NRXN1: variants seen among roughly 807,000 people sequenced by gnomAD.
NRXN1 encodes the protein neurexin-1.
In NRXN1, 39 loss-of-function variants were observed where a neutral mutation model predicts 150.9. The ratio of observed to expected loss-of-function variants is 0.26; its 90% CI spans 0.20 to 0.34. NRXN1 has a LOEUF of 0.34. NRXN1 is among the 10% of genes least tolerant of loss of function. The pLI is 1.00. For missense variants in NRXN1, 1,815 were observed against 1,949.9 expected, an observed-to-expected ratio of 0.93 and a Z score of 1.30; for synonymous variants, 924 against 757.0, an observed-to-expected ratio of 1.22 and a Z score of -3.62.
intron 5 of NRXN1, among the ~76,000 whole-genome samples, chr2:50,701,734 T>C (rs771465665): frequency 2.0e-5 from 3 of 152,188 alleles, no homozygotes; most frequent in African/African-American, 7.2e-5. Context: ...CTCCAGTAAG[T>C]TGTAAGCCCT....
At chr2:50,124,614 G>C (rs2152740591) in intron 18 of NRXN1, among the ~76,000 whole-genome samples, 1 of 152,054 alleles carries the variant, frequency 6.6e-6, no homozygotes, top group East Asian at 1.9e-4. Context: ...CTTCCATTGT[G>C]CCCTGCTGTG....
intron 17 of NRXN1, among the ~76,000 whole-genome samples, chr2:50,241,193 G>A (rs1166311545): frequency 6.7e-6 from 1 of 149,656 alleles, no homozygotes; most frequent in African/African-American, 2.5e-5. Context: ...AAAACATCTA[G>A]CATAGTAAGA....
chr2:50,734,777 T>C (rs1574286324), intron 5 of NRXN1, among the ~76,000 whole-genome samples: 1 of 151,838 alleles, frequency 6.6e-6, no homozygotes, highest in South Asian at 2.1e-4. Flanking sequence ...AACTCTGTGT[T>C]GGCTAAAATG....
At chr2:51,014,302 G>C (rs1271963142) in intron 2 of NRXN1, among the ~76,000 whole-genome samples, 1 of 152,044 alleles carries the variant, frequency 6.6e-6, no homozygotes, top group East Asian at 1.9e-4. Flanking sequence ...TGCAAAGAAC[G>C]AGGATTGGAA....
intron 12 of NRXN1, among the ~76,000 whole-genome samples, chr2:50,521,987 C>A (rs1035093429): frequency 6.6e-6 from 1 of 151,506 alleles, no homozygotes; most frequent in Non-Finnish European, 1.5e-5. Context: ...GTCGAATATA[C>A]AACATATAGA....
intron 17 of NRXN1, among the ~76,000 whole-genome samples, chr2:50,452,034 G>A (rs1359175449): frequency 1.3e-5 from 2 of 152,070 alleles, no homozygotes; most frequent in African/African-American, 2.4e-5. Context: ...CTCTGCATTC[G>A]CAAAATATTT....
At chr2:50,288,582 C>T (rs190621598) in intron 17 of NRXN1, among the ~76,000 whole-genome samples, 1 of 152,214 alleles carries the variant, frequency 6.6e-6, no homozygotes, top group East Asian at 1.9e-4. Context: ...GCTGGTGAGG[C>T]CTCACAATCA....
At chr2:50,504,139 C>CCAAAAA (rs2092099812) in intron 13 of NRXN1, among the ~76,000 whole-genome samples, 1 of 30,190 alleles carries the variant, frequency 3.3e-5, no homozygotes, top group African/African-American at 1.5e-4. Flanking sequence ...AACATGACAA[C>CCAAAAA]TAAAAAAAAA....
chr2:50,969,715 C>A (rs573693465), intron 2 of NRXN1, among the ~76,000 whole-genome samples: 1 of 152,164 alleles, frequency 6.6e-6, no homozygotes, highest in Admixed American at 6.6e-5. Context: ...AATTCTATGA[C>A]TATATCTAGA....
chr2:49,981,009 G>A (rs1038306512), intron 21 of NRXN1, among the ~76,000 whole-genome samples: 1 of 152,060 alleles, frequency 6.6e-6, no homozygotes, highest in Non-Finnish European at 1.5e-5. Flanking sequence ...TGCAATTCTA[G>A]TTTTTCTCCT....
chr2:50,789,274 A>C (rs1046856479), intron 5 of NRXN1, among the ~76,000 whole-genome samples: 3 of 152,158 alleles, frequency 2.0e-5, no homozygotes, highest in Non-Finnish European at 2.9e-5. Context: ...CAAATACAAC[A>C]TGCCTGCAAT....
At chr2:50,791,600 T>C (rs941704208) in intron 5 of NRXN1, among the ~76,000 whole-genome samples, 7 of 152,252 alleles carry the variant, frequency 4.6e-5, no homozygotes, top group Admixed American at 4.6e-4. Flanking sequence ...CACAGAAGAC[T>C]TTGCTGAAGA....
intron 5 of NRXN1, among the ~76,000 whole-genome samples, chr2:50,883,492 A>G (rs1679765949): frequency 6.6e-6 from 1 of 151,574 alleles, no homozygotes; most frequent in South Asian, 2.1e-4. Context: ...ACACTGGAAA[A>G]TATCTGTGAA....
At chr2:50,137,701 C>A (rs541710679) in intron 18 of NRXN1, among the ~76,000 whole-genome samples, 2 of 152,088 alleles carry the variant, frequency 1.3e-5, no homozygotes, top group Non-Finnish European at 2.9e-5. Flanking sequence ...GCCTGCCGCT[C>A]ATAAAATCAT....
At chr2:50,878,496 T>C (rs1157860111) in intron 5 of NRXN1, among the ~76,000 whole-genome samples, 2 of 151,932 alleles carry the variant, frequency 1.3e-5, no homozygotes, top group Non-Finnish European at 2.9e-5. Flanking sequence ...TTTGTTTTTG[T>C]TTTTTCCTCA....
At chr2:50,808,043 G>T (rs1291709981) in intron 5 of NRXN1, among the ~76,000 whole-genome samples, 1 of 152,062 alleles carries the variant, frequency 6.6e-6, no homozygotes, top group Non-Finnish European at 1.5e-5. Context: ...TACCTAGAAT[G>T]TTAACCCTTA....
At chr2:50,769,793 G>C (rs868811359) in intron 5 of NRXN1, among the ~76,000 whole-genome samples, 25 of 152,080 alleles carry the variant, frequency 1.6e-4, no homozygotes, top group African/African-American at 5.3e-4. Flanking sequence ...CTTTGGGGAA[G>C]AAATGGGAAA....
At chr2:50,299,263 A>G (rs900390327) in intron 17 of NRXN1, among the ~76,000 whole-genome samples, 4 of 152,162 alleles carry the variant, frequency 2.6e-5, no homozygotes, top group African/African-American at 9.7e-5. Context: ...GAAATCTGTC[A>G]TCTGCTATAT....
chr2:50,979,716 G>A (rs757451926), intron 2 of NRXN1, among the ~76,000 whole-genome samples: 3 of 151,728 alleles, frequency 2.0e-5, no homozygotes, highest in South Asian at 2.1e-4. Context: ...TGAACACACT[G>A]TACTTTCTCA....
Sources: allele counts gnomAD v4.1 joint callset (sites outside exome capture counted in the v4.1 genomes callset), GRCh38; gene constraint gnomAD v4.1.1; transcripts MANE v1.5; gene names NCBI Gene and HGNC (gene_info 2026-07-23, HGNC 2026-07-21).